TNPO3: variants seen among roughly 807,000 people sequenced by gnomAD.
TNPO3 encodes the protein transportin-3.
TNPO3 carries 65 observed loss-of-function variants against 122.8 expected under a neutral mutation model. The ratio of observed to expected loss-of-function variants is 0.53; its 90% CI spans 0.43 to 0.65. TNPO3 has a LOEUF of 0.65. Among genes scored for constraint, TNPO3 ranks in the 30% least tolerant of loss-of-function variants. TNPO3 has a pLI of 0.00. For missense variants in TNPO3, 850 were observed against 1,136.7 expected (o/e 0.75, Z 3.63); for synonymous variants, 372 against 411.2 (o/e 0.90, Z 1.15).
intron 1 of TNPO3, among the ~76,000 whole-genome samples, chr7:129,043,867 A>G (rs1402066528): frequency 1.3e-5 from 2 of 152,248 alleles, no homozygotes; most frequent in African/African-American, 4.8e-5. Context: ...ATTTGAAACA[A>G]ATGGTTAGCC....
At chr7:128,976,002 C>A in intron 16 of TNPO3, 67 bp from the exon 17 acceptor site, 1 of 1,093,780 alleles carries the variant, frequency 9.1e-7, no homozygotes, top group African/African-American at 1.6e-5. Context: ...ACGAAGCTGT[C>A]TCCAGGAAGA....
chr7:129,013,733 C>G (rs1177069783), intron 4 of TNPO3, among the ~76,000 whole-genome samples: 1 of 152,086 alleles, frequency 6.6e-6, no homozygotes, highest in African/African-American at 2.4e-5. Context: ...CTATCAACGG[C>G]TGAATGGATA....
At position 128,958,137 on chromosome 7, in the gene TNPO3, CT is replaced by C. The variant is rs55683535; in HGVS notation, c.2712-823del. Among the ~76,000 whole-genome samples the C allele has an allele frequency of 8.2e-3, 787 of 96,148 alleles. 10 individuals are homozygous for C. The highest frequency in any genetic ancestry group is 0.028 in the African/African-American group (675 of 24,174). The allele number at this position is 96,148 out of a possible 152,430, so 63.1% of individuals were successfully genotyped here. A position where few individuals can be genotyped will look rare whatever the true frequency, so the allele number is the denominator to read the frequency against. On this transcript the variant is annotated intron_variant, in intron 21 of 22. Coordinates refer to ENST00000265388, the MANE Select transcript of TNPO3 (RefSeq NM_012470.4). ...AAAGCAGTGGAGAAGGAAGCACTTC[CT>C]TTTTTTTTTTTTTTTTTTTTTTGAT...
At position 129,000,503 on chromosome 7, in the gene TNPO3, T is replaced by G; in HGVS notation, c.937A>C (p.Thr313Pro). 6.2e-7 allele frequency: 1 copy of G among 1,613,626 alleles called. No individual in the cohort carries two copies. Among genetic ancestry groups the G allele is most frequent in the Non-Finnish European group, 8.5e-7 (1 of 1,179,898 alleles). The change falls in exon 7 of 23, where the codon ACT becomes CCT. Residue 313 changes from threonine (T) to proline (P), a missense_variant. Physicochemically the swap from Thr to Pro is conservative, Grantham distance 38. Transcript: ENST00000265388. ...CETFLEKIVCTPGQGLGDLRT... is the reference protein window; with the variant it reads ...CETFLEKIVCPPGQGLGDLRT... Reference sequence around the variant, plus strand: ...AGGTCCCCAAGACCTTGGCCTGGAGTACAAACAATTTTTTCAAGAAAAGTT... The same window carrying G: ...AGGTCCCCAAGACCTTGGCCTGGAGGACAAACAATTTTTTCAAGAAAAGTT...
intron 14 of TNPO3, 73 bp downstream of exon 14, chr7:128,982,175 T>C (rs1235436810): frequency 1.5e-5 from 19 of 1,304,836 alleles, no homozygotes; most frequent in Middle Eastern, 1.9e-4. Context: ...AAAAAATACT[T>C]GCTTACTTCA....
intron 3 of TNPO3, 34 bp from the exon 4 acceptor site, chr7:129,015,169 T>C (rs781215608): frequency 1.9e-6 from 3 of 1,594,734 alleles, no homozygotes; most frequent in African/African-American, 2.7e-5. Context: ...ATGTTATTTA[T>C]AGCCAGAAAA....
At chr7:128,965,013 T>TGA (rs2128985666) in intron 21 of TNPO3, among the ~76,000 whole-genome samples, 1 of 152,254 alleles carries the variant, frequency 6.6e-6, no homozygotes, top group African/African-American at 2.4e-5. Flanking sequence ...GGCGGAAAAC[T>TGA]TCATGACATG....
At chr7:128,986,680 C>T (rs1205278354) in intron 12 of TNPO3, 49 bp downstream of exon 12, 1 of 1,512,510 alleles carries the variant, frequency 6.6e-7, no homozygotes, top group African/African-American at 1.4e-5. Context: ...AAGATTACCC[C>T]AGGTAGTGGC....
chr7:129,033,366 T>C (rs1806166801), intron 1 of TNPO3, among the ~76,000 whole-genome samples: 1 of 152,078 alleles, frequency 6.6e-6, no homozygotes, highest in Non-Finnish European at 1.5e-5. Flanking sequence ...GGGAAAGGCA[T>C]ATCAAAGCCA....
At chr7:129,055,384 C>T (rs1053424799), upstream of TNPO3, 1 of 156,386 alleles carries the variant, frequency 6.4e-6, no homozygotes, top group African/African-American at 2.4e-5. Context: ...CTGCCCCATC[C>T]CTCTCCAGAG....
intron 17 of TNPO3, 87 bp downstream of exon 17, chr7:128,975,732 C>T: frequency 1.2e-6 from 1 of 808,982 alleles, no homozygotes; most frequent in Non-Finnish European, 2.1e-6. Flanking sequence ...AAAGAAGCAA[C>T]AGAATTAAAG....
intron 8 of TNPO3, among the ~76,000 whole-genome samples, chr7:128,994,820 G>A (rs956322408): frequency 6.6e-6 from 1 of 151,718 alleles, no homozygotes; most frequent in South Asian, 2.1e-4. Flanking sequence ...ACCACGCTTG[G>A]CTAATTTTTA....
At position 128,999,613 on chromosome 7, in the gene TNPO3, C is replaced by CTTTTT. The variant is rs146907593; in HGVS notation, c.1011+811_1011+815dup. On this transcript the variant is annotated intron_variant, in intron 7 of 22. Transcript: ENST00000265388. ...CCAACTTGGGAGCACTTCTTTCTCA[C>CTTTTT]TTTTTTTTTTTTTTTTGAGACGGAG... Among the ~76,000 whole-genome samples the CTTTTT allele has an allele frequency of 3.5e-3, 484 of 139,262 alleles. 3 individuals carry two copies. The highest frequency in any genetic ancestry group is 0.012 in the African/African-American group (453 of 37,610). 91.4% of individuals were successfully genotyped at this position (139,262 alleles called of 152,430 possible).
intron 19 of TNPO3, 98 bp downstream of exon 19, chr7:128,972,328 A>C (rs1798574422): frequency 1.5e-6 from 2 of 1,348,350 alleles, no homozygotes; most frequent in East Asian, 4.6e-5. Flanking sequence ...ATATAGATCA[A>C]GTAAGGAAAT....
At position 129,020,243 on chromosome 7, in the gene TNPO3, G is replaced by A. The variant is rs1161876743; in HGVS notation, c.121-2086C>T. ...GATATAGTATATTTTACTAATTTTT[G>A]TACTTTTTAGTCCAAACATCGTGTC... On this transcript the variant is annotated intron_variant, in intron 1 of 22. Coordinates refer to ENST00000265388, the MANE Select transcript of TNPO3 (RefSeq NM_012470.4). Among the ~76,000 whole-genome samples the A allele has an allele frequency of 2.0e-5, 3 of 148,412 alleles. No homozygotes were observed. In the East Asian group the frequency reaches 6.0e-4, roughly 30 times the overall value.
At chr7:128,986,332 C>T (rs1294665663) in intron 12 of TNPO3, among the ~76,000 whole-genome samples, 7 of 152,128 alleles carry the variant, frequency 4.6e-5, no homozygotes, top group Non-Finnish European at 8.8e-5. Flanking sequence ...GACCAGGACC[C>T]CTGACTTCTA....
intron 6 of TNPO3, among the ~76,000 whole-genome samples, 197 bp downstream of exon 6, chr7:129,000,862 A>G (rs1801869302): frequency 6.6e-6 from 1 of 152,200 alleles, no homozygotes; most frequent in Admixed American, 6.5e-5. Flanking sequence ...TTACCTTTCT[A>G]TGGTAATTCT....
chr7:129,023,111 G>A (rs1417984469), intron 1 of TNPO3, among the ~76,000 whole-genome samples: 1 of 152,104 alleles, frequency 6.6e-6, no homozygotes, highest in Non-Finnish European at 1.5e-5. Flanking sequence ...CTACTGACTA[G>A]GTTAATGTGA....
At chr7:129,040,081 C>A (rs1807181371) in intron 1 of TNPO3, among the ~76,000 whole-genome samples, 2 of 151,882 alleles carry the variant, frequency 1.3e-5, no homozygotes, top group African/African-American at 4.8e-5. Flanking sequence ...ACGGTGAAAC[C>A]CCGTCTCTAC....
Sources: gnomAD v4.1 joint callset for allele counts (sites outside exome capture counted in the v4.1 genomes callset) on GRCh38, gnomAD v4.1.1 for gene constraint, MANE v1.5 for transcripts, NCBI Gene and HGNC (gene_info 2026-07-23, HGNC 2026-07-21) for gene names.